ING4: variants seen among roughly 807,000 people sequenced by gnomAD.
The protein encoded by ING4 is inhibitor of growth protein 4.
In ING4, 28 loss-of-function variants were observed where a neutral mutation model predicts 33.1. The observed-to-expected ratio is 0.85, with a 90% CI of 0.63 to 1.16. The LOEUF (loss-of-function observed/expected upper bound fraction) is 1.16, where lower values mean the gene tolerates loss of function less well. Among genes scored for constraint, ING4 ranks in the 50% most tolerant of loss-of-function variants. The pLI, the probability that ING4 is intolerant of heterozygous loss-of-function variation, is 0.00. For synonymous variants in ING4, 87 were observed against 104.4 expected (o/e 0.83, Z 1.02); for missense variants, 247 against 314.7 (o/e 0.78, Z 1.63).
At chr12:6,661,406 GTT>G (rs1174675715) in intron 1 of ING4, among the ~76,000 whole-genome samples, 2 of 118,574 alleles carry the variant, frequency 1.7e-5, no homozygotes, top group Non-Finnish European at 1.7e-5. Context: ...ACCAGCCTTT[GTT>G]TTTTTTTTTT....
At chr12:6,652,802 G>C (rs774164564) in intron 4 of ING4, 35 bp from the exon 5 acceptor site, 7 of 1,602,544 alleles carry the variant, frequency 4.4e-6, no homozygotes, top group Non-Finnish European at 6.0e-6. Flanking sequence ...AGAAGGCAGG[G>C]AGACAGAAAG....
Position 6,653,412 on chromosome 12 carries a change from A to G in ING4, c.110-16T>C, listed in dbSNP as rs760081406. ...GCCTTCAGGTCTACAACAGAGACAG[A>G]GGCCTGGTCACAATGGCCCCTGAGT... On this transcript the variant is annotated splice_polypyrimidine_tract_variant and intron_variant, in intron 2 of 7. Transcript: ENST00000341550. 2 of 1,610,542 alleles carry G rather than the reference A, an allele frequency of 1.2e-6. No homozygotes were observed. The highest frequency in any genetic ancestry group is 1.7e-4 in the Middle Eastern group (1 of 6,056).
chr12:6,653,915 T>A (rs867351329), intron 2 of ING4, among the ~76,000 whole-genome samples: 38 of 152,126 alleles, frequency 2.5e-4, no homozygotes, highest in African/African-American at 8.9e-4. Flanking sequence ...CAGGCTGGAG[T>A]GCAGTGGCAC....
Position 6,652,622 on chromosome 12 carries a change from A to T in ING4, c.497+40T>A. On this transcript the variant is annotated intron_variant, in intron 5 of 7. Coordinates refer to ENST00000341550, the MANE Select transcript of ING4 (RefSeq NM_016162.4). ...GCTGGGAGTGGGGCACCGGGAGAGA[A>T]GAGGATGTCATCCGGCAAAGGGCTC... is the stretch of plus-strand genomic sequence containing the variant. 1.9e-6 allele frequency: 3 copies of T among 1,566,802 alleles called. No individual in the cohort carries two copies. The South Asian group carries it at 3.3e-5, about 17-fold the overall frequency.
At chr12:6,654,133 G>A (rs889029232) in intron 2 of ING4, among the ~76,000 whole-genome samples, 5 of 152,110 alleles carry the variant, frequency 3.3e-5, no homozygotes, top group Admixed American at 2.6e-4. Flanking sequence ...TACCATGCCT[G>A]GCCTAATCTA....
Position 6,656,799 on chromosome 12 carries a change from C to G in ING4, c.38-1G>C. On this transcript the variant is annotated splice_acceptor_variant, in intron 1 of 7. Transcript: ENST00000341550. LOFTEE classifies it high-confidence loss of function. ...AATTCAAAGGGAAGGTTTTCAATAC[C>G]TAGGGAAGAGAGAGAAACAATCACA... The G allele has an allele frequency of 6.5e-7, 1 of 1,548,338 alleles. No individual in the cohort carries two copies. Among genetic ancestry groups the G allele is most frequent in the Non-Finnish European group, 8.7e-7 (1 of 1,146,982 alleles).
In ING4 at chr12:6,652,928, C is replaced by A. The variant is rs751750008; in HGVS notation, c.391+8G>T. On this transcript the variant is annotated splice_region_variant and intron_variant, in intron 4 of 7. Coordinates refer to ENST00000341550, the MANE Select transcript of ING4 (RefSeq NM_016162.4). ...GCCCCACCTCTCACAGCCCCGCCCCCTCCTCACTCTTTTTGCCTTTGCTGG... is the reference window on the plus strand; with the variant it reads ...GCCCCACCTCTCACAGCCCCGCCCCATCCTCACTCTTTTTGCCTTTGCTGG... 1.7e-5 allele frequency: 27 copies of A among 1,609,612 alleles called. No individual in the cohort carries two copies. Among genetic ancestry groups the A allele is most frequent in the Admixed American group, 3.3e-5 (2 of 59,988 alleles).
At position 6,653,043 on chromosome 12, in the gene ING4, T is replaced by C. The variant is rs1185117082; in HGVS notation, c.284A>G (p.Lys95Arg). ...GTCTGTGTCCAGCCGCCGAATGTGTTTGTCCACCTGGGTGGAAAGGAAGGA... is the reference window on the plus strand; with the variant it reads ...GTCTGTGTCCAGCCGCCGAATGTGTCTGTCCACCTGGGTGGAAAGGAAGGA... ...LAMQTYEMVD[K>R]HIRRLDTDLA... The change falls in exon 4 of 8, where the codon AAA becomes AGA. Residue 95 changes from lysine (K) to arginine (R), a missense_variant. Around this residue, in one of 3 missense-constraint regions of ING4, gnomAD observed 198 missense variants for 221.2 expected, o/e 0.89. Transcript: ENST00000341550. The C allele has an allele frequency of 6.2e-7, 1 of 1,614,092 alleles. No individual in the cohort carries two copies. The highest frequency in any genetic ancestry group is 8.5e-7 in the Non-Finnish European group (1 of 1,179,960).
At chr12:6,659,255 C>T (rs1346511767) in intron 1 of ING4, among the ~76,000 whole-genome samples, 3 of 151,988 alleles carry the variant, frequency 2.0e-5, no homozygotes, top group Admixed American at 6.6e-5. Context: ...CCCATCTCTA[C>T]TAAAAATACA....
chr12:6,655,989 C>T (rs1307288021), intron 2 of ING4: 2 of 448,902 alleles, frequency 4.5e-6, no homozygotes, highest in East Asian at 1.4e-4. Context: ...TTTTCTTTCT[C>T]TTTTTAAGGA....
chr12:6,653,184 G>A, intron 3 of ING4, 46 bp downstream of exon 3: 1 of 1,610,106 alleles, frequency 6.2e-7, no homozygotes, highest in Non-Finnish European at 8.5e-7. Context: ...CTAAGACCCT[G>A]AGGATTAGAT....
intron 1 of ING4, among the ~76,000 whole-genome samples, chr12:6,662,547 T>A (rs1949587702): frequency 6.6e-6 from 1 of 152,170 alleles, no homozygotes; most frequent in African/African-American, 2.4e-5. Flanking sequence ...TTTACATAAA[T>A]CGCATAAACA....
intron 1 of ING4, among the ~76,000 whole-genome samples, chr12:6,662,795 G>GC (rs1238077930): frequency 1.3e-5 from 2 of 152,032 alleles, no homozygotes; most frequent in Non-Finnish European, 2.9e-5. Context: ...GAGAATGGGG[G>GC]CAGCAACTAT....
In ING4 at chr12:6,655,585, G is replaced by A. The variant is rs555444944; in HGVS notation, c.109+1142C>T. On this transcript the variant is annotated intron_variant, in intron 2 of 7. Transcript: ENST00000341550. Reference sequence around the variant, plus strand: ...CCATAATCTCCAACTGTCTTTCCATGCATGAACTCAAGAGTTACAACTGTA... The same window carrying A: ...CCATAATCTCCAACTGTCTTTCCATACATGAACTCAAGAGTTACAACTGTA... 1.5e-5 allele frequency: 17 copies of A among 1,105,532 alleles called. No individual in the cohort carries two copies. In the South Asian group the frequency reaches 3.5e-4, roughly 23 times the overall value. 68.5% of individuals were successfully genotyped at this position (1,105,532 alleles called of 1,614,324 possible). A position where few individuals can be genotyped will look rare whatever the true frequency, so the allele number is the denominator to read the frequency against.
rs1388284902 is a variant in ING4 at position 6,651,047 on chromosome 12, C to T, written c.*148G>A. 4 of 862,644 alleles carry T rather than the reference C, an allele frequency of 4.6e-6. No homozygotes were observed. The highest frequency in any genetic ancestry group is 3.3e-4 in the Middle Eastern group (1 of 3,006). 53.4% of individuals were successfully genotyped at this position (862,644 alleles called of 1,614,324 possible). A position where few individuals can be genotyped will look rare whatever the true frequency, so the allele number is the denominator to read the frequency against. On this transcript the variant is annotated 3_prime_UTR_variant, in exon 8 of 8. Transcript: ENST00000341550. ...CCAGGGTCTGATGCAGCCTCAGCAC[C>T]GGGAGTGGGGAGAGGGGAGGAGAAG...
intron 1 of ING4, among the ~76,000 whole-genome samples, chr12:6,661,105 GT>G (rs374943107): frequency 7.0e-6 from 1 of 142,098 alleles, no homozygotes; most frequent in Non-Finnish European, 1.6e-5. Flanking sequence ...TTTTGTTTTT[GT>G]TTTTTTTTTG....
Position 6,658,256 on chromosome 12 carries a change from G to T in ING4, c.38-1458C>A, listed in dbSNP as rs866750713. ...ATTACTGGCATGAGCCACTAAGACG[G>T]GCCCCTTTCTTTTATTTTCCATCTC... On this transcript the variant is annotated intron_variant, in intron 1 of 7. Coordinates refer to ENST00000341550, the MANE Select transcript of ING4 (RefSeq NM_016162.4). Among the ~76,000 whole-genome samples the T allele has an allele frequency of 5.9e-5, 9 of 152,092 alleles. No homozygotes were observed. In the South Asian group the frequency reaches 8.3e-4, roughly 14 times the overall value.
At chr12:6,655,707 C>G in intron 2 of ING4, 19 of 633,256 alleles carry the variant, frequency 3.0e-5, no homozygotes, top group Non-Finnish European at 4.3e-5. Context: ...CATGTGTAAA[C>G]TCAGAGTAAC....
chr12:6,650,768 G>A lies in ING4; in HGVS notation c.*427C>T, dbSNP rs145532274. 3.4e-3 allele frequency: 591 copies of A among 171,656 alleles called. 3 individuals carry two copies. Among genetic ancestry groups the A allele is most frequent in the African/African-American group, 0.013 (553 of 42,328 alleles). The allele number at this position is 171,656 out of a possible 1,614,324, so 10.6% of individuals were successfully genotyped here. On this transcript the variant is annotated 3_prime_UTR_variant, in exon 8 of 8. Coordinates refer to ENST00000341550, the MANE Select transcript of ING4 (RefSeq NM_016162.4). ...CCCCCACCATGAAAAAAGCAGGAAG[G>A]GAATGGAGAAGAAAAGTGTTGATCA...
Sources: gnomAD v4.1 joint callset for allele counts (sites outside exome capture counted in the v4.1 genomes callset) on GRCh38, gnomAD v4.1.1 for gene constraint, gnomAD v4.1.1 regional missense constraint, MANE v1.5 for transcripts, NCBI Gene and HGNC (gene_info 2026-07-23, HGNC 2026-07-21) for gene names.